FAM234A: variants seen among roughly 807,000 people sequenced by gnomAD.
The protein encoded by FAM234A is protein FAM234A.
A neutral mutation model predicts 49.1 loss-of-function variants in FAM234A; 42 were observed. The ratio of observed to expected loss-of-function variants is 0.86; its 90% CI spans 0.67 to 1.11. FAM234A has a LOEUF of 1.11. FAM234A is among the 50% of genes least tolerant of loss of function. FAM234A has a pLI of 0.00. For missense variants in FAM234A, 815 were observed against 745.2 expected, an observed-to-expected ratio of 1.09 and a Z score of -1.09; for synonymous variants, 369 against 316.2, an observed-to-expected ratio of 1.17 and a Z score of -1.77.
intron 2 of FAM234A, among the ~76,000 whole-genome samples, chr16:250,398 T>C (rs1409781742): frequency 6.9e-6 from 1 of 145,410 alleles, no homozygotes; most frequent in Admixed American, 6.7e-5. Context: ...CTAGTTACCT[T>C]TTCCAGACAA....
chr16:236,818 A>G (rs1166188131), intron 1 of FAM234A, among the ~76,000 whole-genome samples: 1 of 115,954 alleles, frequency 8.6e-6, no homozygotes, highest in Non-Finnish European at 2.1e-5. Flanking sequence ...AGGCAGGAGA[A>G]TGGCGGAAAC....
intron 2 of FAM234A, among the ~76,000 whole-genome samples, chr16:251,590 C>T (rs1249710167): frequency 6.7e-6 from 1 of 149,874 alleles, no homozygotes; most frequent in African/African-American, 2.5e-5. Flanking sequence ...ATTGCCCAGG[C>T]TGTTCTCAAA....
At chr16:266,695 G>A (rs1417288065), downstream of FAM234A, among the ~76,000 whole-genome samples, 1 of 152,222 alleles carries the variant, frequency 6.6e-6, no homozygotes, top group Non-Finnish European at 1.5e-5. Context: ...AGGTTGAACA[G>A]GTGGGTGCCC....
At chr16:269,386 G>T, downstream of FAM234A, 2 of 1,599,772 alleles carry the variant, frequency 1.3e-6, no homozygotes, top group Non-Finnish European at 1.7e-6. Flanking sequence ...GGAACACGCT[G>T]TGGGCGAGAA....
chr16:263,475 G>A, intron 9 of FAM234A, 73 bp downstream of exon 9: 1 of 1,576,230 alleles, frequency 6.3e-7, no homozygotes, highest in Non-Finnish European at 8.6e-7. Context: ...CCGTTGGCTG[G>A]CGAGGAGACA....
At chr16:243,592 T>C (rs1283928577) in intron 1 of FAM234A, among the ~76,000 whole-genome samples, 1 of 152,258 alleles carries the variant, frequency 6.6e-6, no homozygotes, top group Non-Finnish European at 1.5e-5. Context: ...AATCATGAAC[T>C]GCCTGGCTTT....
intron 2 of FAM234A, among the ~76,000 whole-genome samples, chr16:253,002 C>T (rs1199453118): frequency 6.6e-6 from 1 of 152,172 alleles, no homozygotes; most frequent in Non-Finnish European, 1.5e-5. Flanking sequence ...GTTAGGACAT[C>T]GGTTTGGTTG....
downstream of FAM234A, chr16:266,254 C>A: frequency 4.6e-6 from 1 of 218,944 alleles, no homozygotes; most frequent in Non-Finnish European, 7.8e-6. Flanking sequence ...CACCCCCACC[C>A]AGACCTGCTC....
At position 234,932 on chromosome 16, in the gene FAM234A, C is replaced by G. The variant is rs574975715; in HGVS notation, c.-140+75C>G. 8 of 152,458 alleles carry G rather than the reference C, an allele frequency of 5.2e-5. No individual in the cohort carries two copies. The East Asian group carries it at 1.5e-3, about 29-fold the overall frequency. 9.4% of individuals were successfully genotyped at this position (152,458 alleles called of 1,614,324 possible). On this transcript the variant is annotated intron_variant, in intron 1 of 12. Coordinates refer to ENST00000399932, the MANE Select transcript of FAM234A (RefSeq NM_032039.4). The stretch of plus-strand genomic sequence containing the variant: ...CAGGCCGCCCCTTCGCTCTGGGACC[C>G]CGGCCCCCAGGTTCCCCAGTCCCTC...
intron 1 of FAM234A, among the ~76,000 whole-genome samples, chr16:244,682 C>CTTTTT (rs59549388): frequency 1.4e-4 from 12 of 86,748 alleles, no homozygotes; most frequent in African/African-American, 2.8e-4. Flanking sequence ...ATGGTAACCT[C>CTTTTT]TTTTTTTTTT....
chr16:243,471 G>A (rs756752355), intron 1 of FAM234A, among the ~76,000 whole-genome samples: 7 of 152,220 alleles, frequency 4.6e-5, no homozygotes, highest in Non-Finnish European at 7.4e-5. Context: ...CTCTGGCTAC[G>A]GCTCCTGGTA....
At chr16:254,741 G>T (rs1363021781) in intron 3 of FAM234A, 60 bp downstream of exon 3, 3 of 1,553,588 alleles carry the variant, frequency 1.9e-6, no homozygotes, top group Non-Finnish European at 1.8e-6. Flanking sequence ...GGGATGGGGC[G>T]GAGGGGGCAG....
At chr16:243,493 C>T (rs888425065) in intron 1 of FAM234A, among the ~76,000 whole-genome samples, 11 of 152,172 alleles carry the variant, frequency 7.2e-5, no homozygotes, top group African/African-American at 1.7e-4. Context: ...TTTTAATGAC[C>T]GCAGTAGAGA....
Position 264,846 on chromosome 16 carries a change from A to G in FAM234A, c.1483A>G (p.Ile495Val), listed in dbSNP as rs201652010. ...LFEPSRHAAYILLTGPADSEA... is the reference protein window; with the variant it reads ...LFEPSRHAAYVLLTGPADSEA... ...TGAGCCAAGCCGCCACGCCGCCTAC[A>G]TCCTTCTGACAGGCCCGGCAGACTC... The change falls in exon 13 of 13, where the codon ATC becomes GTC. Residue 495 changes from isoleucine to valine, a missense_variant. Ile to Val is a conservative substitution (Grantham distance 29). Coordinates refer to ENST00000399932, the MANE Select transcript of FAM234A (RefSeq NM_032039.4). 1.5e-4 allele frequency: 246 copies of G among 1,611,610 alleles called. No homozygotes were observed. The highest frequency in any genetic ancestry group is 4.8e-4 in the Admixed American group (29 of 59,962).
rs770701620 is a variant in FAM234A, at chr16:265,016, G to A, written c.1653G>A (p.Glu551=). Residue 551 remains glutamate, a synonymous_variant, in exon 13 of 13, where the codon GAG becomes GAA. Coordinates refer to ENST00000399932, the MANE Select transcript of FAM234A (RefSeq NM_032039.4). ...DRFSRLRYQS[E]A ...TCTCCCGGCTGCGGTACCAGAGTGA[G>A]GCGTAGAGGCACGCCAGCCAGAGCC... 2.5e-6 allele frequency: 4 copies of A among 1,600,674 alleles called. No individual in the cohort carries two copies. The South Asian group carries it at 3.3e-5, about 13-fold the overall frequency.
chr16:239,207 G>A, intron 1 of FAM234A, among the ~76,000 whole-genome samples: 1 of 135,992 alleles, frequency 7.4e-6, no homozygotes, highest in Admixed American at 7.7e-5. Context: ...GGATGAGGCA[G>A]GAGAATCGCT....
chr16:262,339 C>T, intron 7 of FAM234A, 85 bp from the exon 8 acceptor site: 1 of 1,562,050 alleles, frequency 6.4e-7, no homozygotes, highest in Non-Finnish European at 8.7e-7. Flanking sequence ...AGCCCAGGGG[C>T]CTGGCTCCAT....
intron 3 of FAM234A, among the ~76,000 whole-genome samples, chr16:258,949 A>AT (rs1192742102): frequency 3.9e-5 from 6 of 151,964 alleles, no homozygotes; most frequent in African/African-American, 1.4e-4. Context: ...CACCCAGCTA[A>AT]TTTTTTGTAT....
chr16:243,546 A>C (rs1290405145), intron 1 of FAM234A, among the ~76,000 whole-genome samples: 3 of 152,030 alleles, frequency 2.0e-5, no homozygotes, highest in Non-Finnish European at 1.5e-5. Flanking sequence ...AAATCTTTGG[A>C]CCTGTCTCAT....
Sources: gnomAD v4.1 joint callset for allele counts (sites outside exome capture counted in the v4.1 genomes callset) on GRCh38, gnomAD v4.1.1 for gene constraint, MANE v1.5 for transcripts, NCBI Gene and HGNC (gene_info 2026-07-23, HGNC 2026-07-21) for gene names.